The following ADAM12 variants were observed in gnomAD, a reference collection of about 807,000 sequenced individuals.
ADAM12 encodes ADAM metallopeptidase domain 12.
ADAM12 carries 70 observed loss-of-function variants against 106.4 expected under a neutral mutation model. The observed-to-expected ratio is 0.66, with a 90% CI of 0.54 to 0.80. The LOEUF is 0.80. Among genes scored for constraint, ADAM12 ranks in the 30% least tolerant of loss-of-function variants. The pLI, the probability that ADAM12 is intolerant of heterozygous loss-of-function variation, is 0.00. For synonymous variants in ADAM12, 420 were observed against 433.5 expected (o/e 0.97, Z 0.39); for missense variants, 1,010 against 1,171.9 (o/e 0.86, Z 2.02).
intron 3 of ADAM12, among the ~76,000 whole-genome samples, chr10:126,175,575 T>C (rs964491797): frequency 6.6e-6 from 1 of 152,128 alleles, no homozygotes; most frequent in African/African-American, 2.4e-5. Flanking sequence ...ATGCCCTACA[T>C]TTTTTTCTCT....
At chr10:126,021,862 A>T (rs1200181274) in intron 21 of ADAM12, among the ~76,000 whole-genome samples, 2 of 152,210 alleles carry the variant, frequency 1.3e-5, no homozygotes, top group African/African-American at 4.8e-5. Context: ...TTTACCACCA[A>T]AAAGCACCAT....
intron 3 of ADAM12, among the ~76,000 whole-genome samples, chr10:126,178,408 CTTTTTTTTTTTT>C (rs10549268): frequency 5.8e-5 from 6 of 103,900 alleles, no homozygotes; most frequent in Non-Finnish European, 1.0e-4. Flanking sequence ...TGGAGGACAT[CTTTTTTTTTTTT>C]TTTTTTTTTT....
chr10:126,341,190 C>T (rs1026014252), intron 1 of ADAM12, among the ~76,000 whole-genome samples: 15 of 152,280 alleles, frequency 9.9e-5, no homozygotes, highest in African/African-American at 3.4e-4. Context: ...TCCTTTATCC[C>T]GCCTACAGCC....
intron 3 of ADAM12, among the ~76,000 whole-genome samples, chr10:126,243,458 C>A (rs1486835704): frequency 1.4e-5 from 2 of 139,214 alleles, no homozygotes. Context: ...CTGTGTAGAC[C>A]AGTGGGGAGC....
At chr10:126,313,341 T>C (rs1961198518) in intron 2 of ADAM12, among the ~76,000 whole-genome samples, 1 of 152,220 alleles carries the variant, frequency 6.6e-6, no homozygotes, top group South Asian at 2.1e-4. Context: ...TTCTGCCTTC[T>C]TCTATTGGTG....
At chr10:126,193,822 G>C (rs567210069) in intron 3 of ADAM12, among the ~76,000 whole-genome samples, 1 of 152,012 alleles carries the variant, frequency 6.6e-6, no homozygotes, top group Non-Finnish European at 1.5e-5. Flanking sequence ...TCTTGAATTC[G>C]GGAGGCAGAA....
intron 6 of ADAM12, among the ~76,000 whole-genome samples, chr10:126,117,024 A>G (rs1955996522): frequency 6.6e-6 from 1 of 152,250 alleles, no homozygotes; most frequent in African/African-American, 2.4e-5. Context: ...ACAGTCAAAT[A>G]TAAGCACAAG....
At chr10:126,195,100 A>G (rs2927505) in intron 3 of ADAM12, among the ~76,000 whole-genome samples, 46,110 of 149,970 alleles carry the variant, frequency 0.31, 9,686 homozygotes, top group African/African-American at 0.6. Flanking sequence ...CCAGGGGTGG[A>G]GGGCTTGGGG....
At chr10:126,088,552 A>AG (rs1046446872) in intron 11 of ADAM12, among the ~76,000 whole-genome samples, 40 of 150,640 alleles carry the variant, frequency 2.7e-4, no homozygotes, top group African/African-American at 8.6e-4. Context: ...TATACCAAAA[A>AG]AAAAAAAATT....
intron 2 of ADAM12, among the ~76,000 whole-genome samples, chr10:126,283,847 CTTAT>C (rs1207679848): frequency 6.6e-6 from 1 of 152,128 alleles, no homozygotes; most frequent in Non-Finnish European, 1.5e-5. Flanking sequence ...GTCTTTGTGC[CTTAT>C]TTGAGAAATC....
chr10:126,020,992 C>A (rs78527198), intron 21 of ADAM12, among the ~76,000 whole-genome samples: 693 of 97,810 alleles, frequency 7.1e-3, no homozygotes, highest in Admixed American at 0.011. Context: ...GACTCTGTCT[C>A]AAAAAAAAAA....
intron 2 of ADAM12, among the ~76,000 whole-genome samples, chr10:126,309,181 C>T (rs1960976914): frequency 6.6e-6 from 1 of 152,150 alleles, no homozygotes; most frequent in Non-Finnish European, 1.5e-5. Flanking sequence ...GGCACATGAC[C>T]TAAATGAGAT....
intron 5 of ADAM12, among the ~76,000 whole-genome samples, chr10:126,119,550 G>T (rs1956047241): frequency 6.6e-6 from 1 of 152,134 alleles, no homozygotes; most frequent in Non-Finnish European, 1.5e-5. Context: ...GTCACTCATG[G>T]CTCTGTGATA....
chr10:126,027,590 C>T (rs1282002742), intron 21 of ADAM12, among the ~76,000 whole-genome samples: 2 of 152,056 alleles, frequency 1.3e-5, no homozygotes, highest in African/African-American at 4.8e-5. Flanking sequence ...TGTGATTCAT[C>T]ACATAAACAG....
chr10:126,357,370 A>C (rs563378548), intron 1 of ADAM12, among the ~76,000 whole-genome samples: 28 of 152,330 alleles, frequency 1.8e-4, no homozygotes, highest in African/African-American at 6.5e-4. Context: ...TTACCCAGCA[A>C]GGCTGTATTT....
chr10:126,107,516 C>T (rs115128946), intron 8 of ADAM12, among the ~76,000 whole-genome samples: 2,954 of 152,246 alleles, frequency 0.019, 102 homozygotes, highest in African/African-American at 0.068. Context: ...CAATTCAAAT[C>T]GAATAAGATT....
intron 4 of ADAM12, among the ~76,000 whole-genome samples, chr10:126,152,669 G>T (rs560143077): frequency 1.3e-5 from 2 of 151,292 alleles, no homozygotes; most frequent in African/African-American, 4.9e-5. Context: ...TGTGAATCCT[G>T]TAAAAATGAT....
chr10:126,089,213 T>C (rs1293869244), intron 11 of ADAM12, among the ~76,000 whole-genome samples: 3 of 152,162 alleles, frequency 2.0e-5, no homozygotes, highest in African/African-American at 7.2e-5. Context: ...AAAATGTGAA[T>C]GTGCTCCTTG....
At chr10:126,180,160 C>A (rs1957287649) in intron 3 of ADAM12, among the ~76,000 whole-genome samples, 2 of 152,124 alleles carry the variant, frequency 1.3e-5, no homozygotes, top group South Asian at 4.1e-4. Flanking sequence ...CTTCCAACAA[C>A]CCCAGGTACT....
Sources: gnomAD v4.1 joint callset for allele counts (sites outside exome capture counted in the v4.1 genomes callset) on GRCh38, gnomAD v4.1.1 for gene constraint, MANE v1.5 for transcripts, NCBI Gene and HGNC (gene_info 2026-07-23, HGNC 2026-07-21) for gene names.